PPP4R3A: variants seen among roughly 807,000 people sequenced by gnomAD.
PPP4R3A encodes the protein protein phosphatase 4 regulatory subunit 3A.
In PPP4R3A, 15 loss-of-function variants were observed where a neutral mutation model predicts 91.7. The observed-to-expected ratio is 0.16, with a 90% CI of 0.11 to 0.25. PPP4R3A has a LOEUF of 0.25. Among genes scored for constraint, PPP4R3A ranks in the 10% least tolerant of loss-of-function variants. PPP4R3A has a pLI of 1.00. For missense variants in PPP4R3A, 623 were observed against 998.4 expected (o/e 0.62, Z 5.07); for synonymous variants, 377 against 348.7 (o/e 1.08, Z -0.91).
intron 1 of PPP4R3A, among the ~76,000 whole-genome samples, chr14:91,499,549 C>G (rs1274224907): frequency 1.3e-5 from 2 of 151,960 alleles, no homozygotes; most frequent in South Asian, 4.2e-4. Context: ...CAGGTAGAAA[C>G]TGTCACATTC....
chr14:91,476,061 CT>C lies in PPP4R3A; in HGVS notation c.1111-96del. On this transcript the variant is annotated intron_variant, in intron 6 of 14. Coordinates refer to ENST00000554943, the MANE Select transcript of PPP4R3A (RefSeq NM_001366432.2). ...AAACCTAACAAAACATATGAAAAAA[CT>C]TCAATGTAAAAGAAAGGTCAAAGAA... 3.1e-6 allele frequency: 4 copies of C among 1,278,068 alleles called. No individual in the cohort carries two copies. The South Asian group carries it at 7.4e-5, about 23-fold the overall frequency. 79.2% of individuals were successfully genotyped at this position (1,278,068 alleles called of 1,614,324 possible).
intron 9 of PPP4R3A, among the ~76,000 whole-genome samples, chr14:91,471,951 G>A (rs948696252): frequency 6.7e-6 from 1 of 150,244 alleles, no homozygotes; most frequent in African/African-American, 2.4e-5. Flanking sequence ...TGTAATCCCA[G>A]TTACTCAGAA....
At chr14:91,472,927 A>G (rs963710414) in intron 9 of PPP4R3A, 106 bp downstream of exon 9, 1 of 944,398 alleles carries the variant, frequency 1.1e-6, no homozygotes, top group Non-Finnish European at 1.6e-6. Context: ...GTGTCCTCCC[A>G]GCCTCTACCT....
At position 91,510,012 on chromosome 14, in the gene PPP4R3A, T is replaced by G; in HGVS notation, c.-365A>C. The G allele has an allele frequency of 4.3e-6, 4 of 935,548 alleles. No individual in the cohort carries two copies. The highest frequency in any genetic ancestry group is 3.8e-6 in the Non-Finnish European group (3 of 781,388). 58.0% of individuals were successfully genotyped at this position (935,548 alleles called of 1,614,324 possible). ...TCCGCCATGATCTCCGCGAAGCAGC[T>G]TCCCGCGCCGCCGCCGCCTCCTCAG... On this transcript the variant is annotated 5_prime_UTR_variant, in exon 1 of 15. Transcript: ENST00000554943.
chr14:91,493,259 G>C (rs1260550815), intron 1 of PPP4R3A, among the ~76,000 whole-genome samples: 1 of 146,042 alleles, frequency 6.8e-6, no homozygotes, highest in East Asian at 1.9e-4. Flanking sequence ...CATGGTTGCT[G>C]TGAGCTGAGA....
chr14:91,482,259 C>A (rs1313865564), intron 3 of PPP4R3A, 66 bp from the exon 4 acceptor site: 3 of 1,474,206 alleles, frequency 2.0e-6, no homozygotes, highest in Middle Eastern at 3.6e-4. Flanking sequence ...AAATGCTACT[C>A]TAAGATGAAT....
chr14:91,495,707 A>C (rs1890520083), intron 1 of PPP4R3A, among the ~76,000 whole-genome samples: 1 of 152,130 alleles, frequency 6.6e-6, no homozygotes, highest in Non-Finnish European at 1.5e-5. Flanking sequence ...AAAAACAAAA[A>C]ACAGGTGGAG....
intron 10 of PPP4R3A, 111 bp from the exon 11 acceptor site, chr14:91,465,530 A>G: frequency 1.1e-6 from 1 of 908,070 alleles, no homozygotes; most frequent in Admixed American, 2.9e-5. Flanking sequence ...ACATATCAAT[A>G]ATTATTTATG....
intron 1 of PPP4R3A, among the ~76,000 whole-genome samples, chr14:91,504,581 G>T (rs1193458718): frequency 6.7e-6 from 1 of 148,816 alleles, no homozygotes; most frequent in Non-Finnish European, 1.5e-5. Flanking sequence ...CGGCCTAAGT[G>T]ACAAGAGCGA....
chr14:91,481,887 A>G lies in PPP4R3A; in HGVS notation c.604T>C (p.Leu202=), dbSNP rs1013470189. ...LYEIIKGIFL[L]NRTALFEVMF... is the part of the protein sequence containing the mutation. ...ACTTCAAAAAGAGCAGTTCGATTCA[A>G]GAGAAAGATGCCTTTGATAATTTCA... The change falls in exon 4 of 15, where the codon TTG becomes CTG. Residue 202 remains leucine (L), a synonymous_variant. Coordinates refer to ENST00000554943, the MANE Select transcript of PPP4R3A (RefSeq NM_001366432.2). 9 of 1,614,028 alleles carry G rather than the reference A, an allele frequency of 5.6e-6. No individual in the cohort carries two copies. The highest frequency in any genetic ancestry group is 5.3e-5 in the African/African-American group (4 of 74,940).
chr14:91,490,652 C>A, intron 2 of PPP4R3A, 95 bp downstream of exon 2: 2 of 941,920 alleles, frequency 2.1e-6, no homozygotes, highest in African/African-American at 1.7e-5. Flanking sequence ...CTGTTGTAAT[C>A]TCTTCTAAAT....
chr14:91,503,496 C>T (rs1466108221), intron 1 of PPP4R3A, among the ~76,000 whole-genome samples: 1 of 152,086 alleles, frequency 6.6e-6, no homozygotes, highest in Non-Finnish European at 1.5e-5. Flanking sequence ...TCACTTTGTT[C>T]CCCAGCCTTG....
At chr14:91,463,096 G>A (rs928188156) in intron 11 of PPP4R3A, among the ~76,000 whole-genome samples, 1 of 151,234 alleles carries the variant, frequency 6.6e-6, no homozygotes, top group African/African-American at 2.4e-5. Context: ...ATGGAGTTTT[G>A]CTCTTACTGC....
At chr14:91,490,128 G>A (rs776841414) in intron 2 of PPP4R3A, among the ~76,000 whole-genome samples, 1 of 152,148 alleles carries the variant, frequency 6.6e-6, no homozygotes, top group Non-Finnish European at 1.5e-5. Flanking sequence ...TGTCTGTGTG[G>A]GTGTACGTGA....
chr14:91,462,709 A>G, intron 12 of PPP4R3A, 26 bp downstream of exon 12: 2 of 1,612,720 alleles, frequency 1.2e-6, no homozygotes, highest in African/African-American at 1.3e-5. Flanking sequence ...TGCTGAACGA[A>G]TAGGTTTAAA....
In PPP4R3A at chr14:91,458,683, G is replaced by GTGGATTTTGTATTT; in HGVS notation, c.*75_*76insAAATACAAAATCCA. On this transcript the variant is annotated 3_prime_UTR_variant, in exon 15 of 15. Coordinates refer to ENST00000554943, the MANE Select transcript of PPP4R3A (RefSeq NM_001366432.2). ...CATTCACAAGAGACCACTGCGCTTT[G>GTGGATTTTGTATTT]TTGTGGATTTTGTATGGGGGAGGGG... is the stretch of plus-strand genomic sequence containing the variant. 2 of 1,607,926 alleles carry GTGGATTTTGTATTT rather than the reference G, an allele frequency of 1.2e-6. No individual in the cohort carries two copies. Among genetic ancestry groups the GTGGATTTTGTATTT allele is most frequent in the South Asian group, 2.2e-5 (2 of 90,630 alleles).
At chr14:91,489,159 G>T (rs568049475) in intron 2 of PPP4R3A, among the ~76,000 whole-genome samples, 519 of 151,996 alleles carry the variant, frequency 3.4e-3, no homozygotes, top group Non-Finnish European at 5.9e-3. Context: ...CGCCTGCCTC[G>T]GCCTCCCAAA....
At chr14:91,504,497 A>G (rs1316401916) in intron 1 of PPP4R3A, among the ~76,000 whole-genome samples, 2 of 151,812 alleles carry the variant, frequency 1.3e-5, no homozygotes, top group Non-Finnish European at 2.9e-5. Flanking sequence ...AGCTACTCGT[A>G]AGGCTGAGGC....
chr14:91,472,350 T>C (rs1426327435), intron 9 of PPP4R3A, among the ~76,000 whole-genome samples: 2 of 152,202 alleles, frequency 1.3e-5, no homozygotes, highest in Non-Finnish European at 2.9e-5. Context: ...CTTCTATTTA[T>C]ATTTCACCAG....
Sources: allele counts gnomAD v4.1 joint callset (sites outside exome capture counted in the v4.1 genomes callset), GRCh38; gene constraint gnomAD v4.1.1; transcripts MANE v1.5; gene names NCBI Gene and HGNC (gene_info 2026-07-23, HGNC 2026-07-21).